The following CFAP43 variants were observed in gnomAD, a reference collection of about 807,000 sequenced individuals.
CFAP43 encodes cilia and flagella associated protein 43.
CFAP43 carries 155 observed loss-of-function variants against 218.9 expected under a neutral mutation model. The observed-to-expected ratio is 0.71, with a 90% CI of 0.62 to 0.81. The LOEUF is 0.81. Ranked by LOEUF, CFAP43 falls within the 30% of genes least tolerant of loss-of-function variation. The pLI is 0.00. For synonymous variants in CFAP43, 645 were observed against 681.3 expected (o/e 0.95, Z 0.83); for missense variants, 1,778 against 1,954.3 (o/e 0.91, Z 1.70).
chr10:104,169,909 A>C (rs1409428852), intron 20 of CFAP43, among the ~76,000 whole-genome samples: 1 of 151,856 alleles, frequency 6.6e-6, no homozygotes, highest in African/African-American at 2.4e-5. Flanking sequence ...TGTTTGATCA[A>C]CTCCTCCAAA....
At chr10:104,200,876 G>A (rs1397564943) in intron 8 of CFAP43, among the ~76,000 whole-genome samples, 2 of 152,108 alleles carry the variant, frequency 1.3e-5, no homozygotes, top group Non-Finnish European at 2.9e-5. Context: ...TAGCAGATAA[G>A]GCCAGAGGTG....
At chr10:104,178,781 G>T (rs2089718449) in intron 19 of CFAP43, among the ~76,000 whole-genome samples, 1 of 152,098 alleles carries the variant, frequency 6.6e-6, no homozygotes, top group African/African-American at 2.4e-5. Context: ...AAATATAAAT[G>T]CATAACTTTG....
In CFAP43 at chr10:104,212,081, C is replaced by A. The variant is rs889104197; in HGVS notation, c.661G>T (p.Asp221Tyr). Residue 221 changes from aspartate to tyrosine, a missense_variant, in exon 5 of 38, where the codon GAT becomes TAT. By Grantham distance (160) the Asp-to-Tyr change is radical (BLOSUM62 -3). Around this residue, in one of 3 missense-constraint regions of CFAP43, gnomAD observed 1,553 missense variants for 1,685.2 expected, o/e 0.92. Transcript: ENST00000357060. ...GGCAGCACGGGACCATAGATGAGAT[C>A]TTTCGGCAACGACTGGGGGAAAACG... Reference protein sequence around the residue: ...DVVFPQSLPKDLIYGPVLPLS... With the variant: ...DVVFPQSLPKYLIYGPVLPLS... The A allele has an allele frequency of 1.9e-6, 3 of 1,613,892 alleles. No homozygotes were observed. The highest frequency in any genetic ancestry group is 2.7e-5 in the African/African-American group (2 of 74,918).
rs2087227604 is a variant in CFAP43, at chr10:104,132,187, C to G, written c.4606G>C (p.Glu1536Gln). 1 of 1,591,622 alleles carries G rather than the reference C, an allele frequency of 6.3e-7. No individual in the cohort carries two copies. Among genetic ancestry groups the G allele is most frequent in the Non-Finnish European group, 8.5e-7 (1 of 1,169,924 alleles). Reference sequence around the variant, plus strand: ...CTAATCAGAGCCTCATAGTTTGGTTCATTTAGGTACTTTGAGATTAAAAAA... The same window carrying G: ...CTAATCAGAGCCTCATAGTTTGGTTGATTTAGGTACTTTGAGATTAAAAAA... Reference protein sequence around the residue: ...FSRDRQKYLNEPNYEALISIQ... With the variant: ...FSRDRQKYLNQPNYEALISIQ... Residue 1536 changes from glutamate (E) to glutamine (Q), a missense_variant, in exon 36 of 38, where the codon GAA becomes CAA. Physicochemically the swap from Glu to Gln is conservative, Grantham distance 29. This residue lies in a region of CFAP43 where 211 missense variants were observed against 230.6 expected (regional missense o/e 0.91). Coordinates refer to ENST00000357060, the MANE Select transcript of CFAP43 (RefSeq NM_025145.7).
At position 104,230,826 on chromosome 10, in the gene CFAP43, G is replaced by A; in HGVS notation, c.83C>T (p.Pro28Leu). ...SLSVRWVQGF[P>L]KQNVHFVNDN... The stretch of plus-strand genomic sequence containing the variant: ...GTTGACAAAATGAACATTCTGCTTA[G>A]GGAATCCTTGCACCCATCTTTGGGA... The change falls in exon 2 of 38, where the codon CCT becomes CTT. Residue 28 changes from proline (P) to leucine (L), a missense_variant. By Grantham distance (98) the Pro-to-Leu change is moderately conservative. This residue lies in a region of CFAP43 where 1,553 missense variants were observed against 1,685.2 expected (regional missense o/e 0.92). Coordinates refer to ENST00000357060, the MANE Select transcript of CFAP43 (RefSeq NM_025145.7). 8 of 1,611,962 alleles carry A rather than the reference G, an allele frequency of 5.0e-6. No homozygotes were observed. Among genetic ancestry groups the A allele is most frequent in the Non-Finnish European group, 6.8e-6 (8 of 1,179,302 alleles).
intron 24 of CFAP43, among the ~76,000 whole-genome samples, chr10:104,163,809 A>T (rs144069358): frequency 6.6e-6 from 1 of 152,220 alleles, no homozygotes; most frequent in African/African-American, 2.4e-5. Context: ...ATGCAGAGTG[A>T]TGTGAACTAA....
In CFAP43 at chr10:104,147,915, G is replaced by C; in HGVS notation, c.3744C>G (p.Tyr1248Ter). Reference protein sequence around the residue: ...LSSREKFLNNYLTRKQHEKSQ... With the variant: ...LSSREKFLNN ...CTTTCTCGTGCTGTTTCCTTGTAAG[G>C]TAGTTGTTCAGGAATTTTTCTCTAG... The change falls in exon 29 of 38, where the codon TAC becomes TAG. Residue 1248 changes from tyrosine to a stop codon, truncating the protein, a stop_gained. Coordinates refer to ENST00000357060, the MANE Select transcript of CFAP43 (RefSeq NM_025145.7). LOFTEE classifies it high-confidence loss of function. 6.3e-7 allele frequency: 1 copy of C among 1,599,168 alleles called. No homozygotes were observed. The highest frequency in any genetic ancestry group is 2.2e-5 in the East Asian group (1 of 44,620).
chr10:104,182,073 T>C (rs2089863624), intron 17 of CFAP43, among the ~76,000 whole-genome samples: 1 of 152,228 alleles, frequency 6.6e-6, no homozygotes, highest in Non-Finnish European at 1.5e-5. Context: ...TATGAAAGTA[T>C]AGAGAGACCA....
At chr10:104,195,884 CTA>C (rs2090368740) in intron 10 of CFAP43, among the ~76,000 whole-genome samples, 1 of 152,196 alleles carries the variant, frequency 6.6e-6, no homozygotes, top group South Asian at 2.1e-4. Flanking sequence ...TATCCCTCCC[CTA>C]TCTTCAGGGA....
At chr10:104,194,431 A>G (rs2090327544) in intron 10 of CFAP43, among the ~76,000 whole-genome samples, 1 of 152,312 alleles carries the variant, frequency 6.6e-6, no homozygotes, top group East Asian at 1.9e-4. Flanking sequence ...TTTATTTATT[A>G]GCGATGGGGT....
chr10:104,142,972 C>A (rs1213393908), intron 32 of CFAP43, among the ~76,000 whole-genome samples: 1 of 152,038 alleles, frequency 6.6e-6, no homozygotes, highest in Non-Finnish European at 1.5e-5. Flanking sequence ...TCTGTAGTAG[C>A]CGCATTATAA....
chr10:104,139,315 A>T (rs1425739771), intron 34 of CFAP43, among the ~76,000 whole-genome samples: 2 of 152,230 alleles, frequency 1.3e-5, no homozygotes, highest in Non-Finnish European at 2.9e-5. Context: ...ATATTCAGAG[A>T]TAATAAATAA....
At position 104,225,472 on chromosome 10, in the gene CFAP43, T is replaced by G; in HGVS notation, c.405A>C (p.Glu135Asp). 1 of 1,611,090 alleles carries G rather than the reference T, an allele frequency of 6.2e-7. No homozygotes were observed. Among genetic ancestry groups the G allele is most frequent in the Non-Finnish European group, 8.5e-7 (1 of 1,178,244 alleles). The change falls in exon 3 of 38, where the codon GAA becomes GAC. Residue 135 changes from glutamate to aspartate, a missense_variant. Glu to Asp is a conservative substitution (Grantham distance 45, BLOSUM62 2). Coordinates refer to ENST00000357060, the MANE Select transcript of CFAP43 (RefSeq NM_025145.7). ...ATGCTGAAACTTACCAAAGGGCCAG[T>G]TCAAATTCTGGGAGAGAGGAGTAAC... ...LASYSSLPEF[E>D]LALWNWESSI...
chr10:104,224,717 T>C (rs186826340), intron 3 of CFAP43, among the ~76,000 whole-genome samples: 5,275 of 133,814 alleles, frequency 0.039, 143 homozygotes, highest in Admixed American at 0.088. Flanking sequence ...ATCGTGCCAC[T>C]GCACTCCAGC....
chr10:104,178,271 G>T (rs1361318597), intron 19 of CFAP43, among the ~76,000 whole-genome samples: 2 of 152,196 alleles, frequency 1.3e-5, no homozygotes. Context: ...CCCAAAAAAT[G>T]CACTCACAGA....
chr10:104,168,988 C>T, intron 20 of CFAP43, 140 bp from the exon 21 acceptor site: 1 of 657,504 alleles, frequency 1.5e-6, no homozygotes, highest in Non-Finnish European at 2.6e-6. Context: ...CTTTGAGCCA[C>T]CTTGCACTGA....
rs751416530 is a variant in CFAP43 at position 104,196,930 on chromosome 10, G to A, written c.1216C>T (p.Leu406Phe). 5 of 1,608,614 alleles carry A rather than the reference G, an allele frequency of 3.1e-6. No individual in the cohort carries two copies. In the African/African-American group the frequency reaches 6.7e-5, roughly 22 times the overall value. Residue 406 changes from leucine to phenylalanine, a missense_variant, in exon 10 of 38, where the codon CTT (leucine) becomes TTT (phenylalanine). By Grantham distance (22) the Leu-to-Phe change is conservative (BLOSUM62 0). This residue lies in a region of CFAP43 where 1,553 missense variants were observed against 1,685.2 expected (regional missense o/e 0.92). Coordinates refer to ENST00000357060, the MANE Select transcript of CFAP43 (RefSeq NM_025145.7). ...ITPGTQYFMT[L>F]TYSGEICVWW... Reference sequence around the variant, plus strand: ...ACACAAATTTCCCCTGAATATGTAAGTGTCTGTAAAAAAAGAAAAACAAAA... The same window carrying A: ...ACACAAATTTCCCCTGAATATGTAAATGTCTGTAAAAAAAGAAAAACAAAA...
rs1355969243 is a variant in CFAP43, at chr10:104,205,426, T to C, written c.963+537A>G. Among the ~76,000 whole-genome samples, 4 of 152,138 alleles carry C rather than the reference T, an allele frequency of 2.6e-5. No individual in the cohort carries two copies. The East Asian group carries it at 5.8e-4, about 22-fold the overall frequency. ...GTAAAAGGAGGATGTCAATAGTTTCTATTTGATAAGGTTGTTGTAAGGACC... is the reference window on the plus strand; with the variant it reads ...GTAAAAGGAGGATGTCAATAGTTTCCATTTGATAAGGTTGTTGTAAGGACC... On this transcript the variant is annotated intron_variant, in intron 7 of 37. Transcript: ENST00000357060.
At chr10:104,162,268 C>G (rs748989522) in intron 25 of CFAP43, 49 bp downstream of exon 25, 1 of 1,534,326 alleles carries the variant, frequency 6.5e-7, no homozygotes, top group Non-Finnish European at 9.0e-7. Context: ...GAAGCAGTAT[C>G]CCTAAAGCAA....
Sources: allele counts gnomAD v4.1 joint callset (sites outside exome capture counted in the v4.1 genomes callset), GRCh38; gene constraint gnomAD v4.1.1; regional missense constraint gnomAD v4.1.1; transcripts MANE v1.5; gene names NCBI Gene and HGNC (gene_info 2026-07-23, HGNC 2026-07-21).